The following NDST4 variants were observed in gnomAD, a reference collection of about 807,000 sequenced individuals.
NDST4 encodes the protein N-deacetylase and N-sulfotransferase 4, also known as N-heparan sulfate sulfotransferase 4.
Under a neutral mutation model 100.8 loss-of-function variants are expected in NDST4, and 63 were observed. That is an observed-to-expected ratio of 0.62 (90% CI 0.51 to 0.77). The LOEUF is 0.77. NDST4 is among the 30% of genes least tolerant of loss of function. NDST4 has a pLI of 0.00. For missense variants in NDST4, 943 were observed against 1,018.4 expected (o/e 0.93, Z 1.01); for synonymous variants, 377 against 361.8 (o/e 1.04, Z -0.48).
At chr4:115,080,942 C>T (rs1051741464) in intron 1 of NDST4, among the ~76,000 whole-genome samples, 5 of 151,962 alleles carry the variant, frequency 3.3e-5, no homozygotes, top group South Asian at 2.1e-4. Flanking sequence ...CCAGGAGATT[C>T]GGAGAGAAAT....
At chr4:114,921,282 A>G (rs1725281127) in intron 6 of NDST4, among the ~76,000 whole-genome samples, 1 of 152,194 alleles carries the variant, frequency 6.6e-6, no homozygotes, top group Admixed American at 6.5e-5. Context: ...GGAATAAAAA[A>G]TAATGATGGA....
At chr4:114,882,082 C>A (rs544384017) in intron 6 of NDST4, among the ~76,000 whole-genome samples, 5 of 151,130 alleles carry the variant, frequency 3.3e-5, no homozygotes, top group African/African-American at 9.7e-5. Context: ...AAAAAAGGAT[C>A]AAAATTTTCT....
intron 2 of NDST4, among the ~76,000 whole-genome samples, chr4:115,075,440 A>G (rs1729157430): frequency 6.6e-6 from 1 of 152,150 alleles, no homozygotes; most frequent in Admixed American, 6.6e-5. Context: ...AGCATGTACT[A>G]TAATAAGGGA....
At chr4:114,951,696 T>C (rs1455643658) in intron 4 of NDST4, among the ~76,000 whole-genome samples, 2 of 152,084 alleles carry the variant, frequency 1.3e-5, no homozygotes, top group Non-Finnish European at 2.9e-5. Context: ...TTTGCCAAGG[T>C]CATCCATATA....
intron 2 of NDST4, among the ~76,000 whole-genome samples, chr4:115,072,359 G>C (rs1472725850): frequency 6.6e-6 from 1 of 151,806 alleles, no homozygotes; most frequent in East Asian, 1.9e-4. Flanking sequence ...ATTTTTAAAA[G>C]ATATTAAAAT....
chr4:115,005,947 G>A (rs377575874), intron 2 of NDST4, among the ~76,000 whole-genome samples: 27 of 149,606 alleles, frequency 1.8e-4, no homozygotes, highest in African/African-American at 6.5e-4. Context: ...GCAGAGAATC[G>A]CTTGAACTCG....
At chr4:114,894,682 G>C (rs1481711915) in intron 6 of NDST4, among the ~76,000 whole-genome samples, 2 of 152,176 alleles carry the variant, frequency 1.3e-5, no homozygotes, top group African/African-American at 2.4e-5. Flanking sequence ...CATGTCATCT[G>C]CAAACAGAGA....
At chr4:114,852,125 C>G (rs760109117) in intron 8 of NDST4, among the ~76,000 whole-genome samples, 56 of 152,150 alleles carry the variant, frequency 3.7e-4, no homozygotes, top group Non-Finnish European at 6.8e-4. Context: ...TGCTTTCACT[C>G]TCTTTTACTG....
At chr4:114,973,413 G>T (rs1726558997) in intron 3 of NDST4, among the ~76,000 whole-genome samples, 1 of 151,842 alleles carries the variant, frequency 6.6e-6, no homozygotes. Flanking sequence ...TATGTGACCA[G>T]ATTAGCATGT....
chr4:115,084,818 G>C (rs1729376164), intron 1 of NDST4, among the ~76,000 whole-genome samples: 2 of 152,124 alleles, frequency 1.3e-5, no homozygotes, highest in Admixed American at 6.6e-5. Context: ...TGCAGGGGCA[G>C]AGCCTTCATG....
Position 114,970,484 on chromosome 4 carries a change from G to A in NDST4, c.1167C>T (p.Phe389=). ...HMWSHMQPHL[F]HNESSLVEQM... ...GCTCTACTAAAGATGACTCGTTGTG[G>A]AAGAGGTGGGGCTGCATGTGGCTCC... Residue 389 remains phenylalanine (F), a synonymous_variant, in exon 4 of 14, where the codon TTC becomes TTT. Transcript: ENST00000264363. 3 of 1,614,018 alleles carry A rather than the reference G, an allele frequency of 1.9e-6. No individual in the cohort carries two copies. Among genetic ancestry groups the A allele is most frequent in the Non-Finnish European group, 2.5e-6 (3 of 1,179,904 alleles).
At chr4:115,032,862 T>C (rs1728144172) in intron 2 of NDST4, among the ~76,000 whole-genome samples, 1 of 151,932 alleles carries the variant, frequency 6.6e-6, no homozygotes. Context: ...AGACATACTG[T>C]TTTGTTCACC....
At chr4:115,055,470 A>G (rs975952920) in intron 2 of NDST4, among the ~76,000 whole-genome samples, 8 of 152,142 alleles carry the variant, frequency 5.3e-5, no homozygotes, top group African/African-American at 1.9e-4. Flanking sequence ...CCTTGAATAA[A>G]CAGGAAGTTG....
intron 6 of NDST4, among the ~76,000 whole-genome samples, chr4:114,906,094 TC>T (rs772779116): frequency 6.6e-5 from 10 of 151,974 alleles, no homozygotes; most frequent in Non-Finnish European, 1.3e-4. Flanking sequence ...GATCAATTTT[TC>T]TATGAGTCAT....
chr4:115,039,043 A>T (rs1340092076), intron 2 of NDST4, among the ~76,000 whole-genome samples: 5 of 152,152 alleles, frequency 3.3e-5, no homozygotes, highest in Non-Finnish European at 7.4e-5. Context: ...TCTTATAAAC[A>T]TAAACAGCAA....
rs1178207064 is a variant in NDST4, at chr4:115,009,005, C to G, written c.979-31731G>C. Among the ~76,000 whole-genome samples, 33 of 126,372 alleles carry G rather than the reference C, an allele frequency of 2.6e-4. 8 individuals carry two copies. Among genetic ancestry groups the G allele is most frequent in the African/African-American group, 8.7e-4 (29 of 33,354 alleles). 82.9% of individuals were successfully genotyped at this position (126,372 alleles called of 152,430 possible). ...ACATGAAGGACCTCTTCAAGGAGAACTACAAACCACTGCTCAATGAAATAA... is the reference window on the plus strand; with the variant it reads ...ACATGAAGGACCTCTTCAAGGAGAAGTACAAACCACTGCTCAATGAAATAA... On this transcript the variant is annotated intron_variant, in intron 2 of 13. Coordinates refer to ENST00000264363, the MANE Select transcript of NDST4 (RefSeq NM_022569.3).
intron 2 of NDST4, among the ~76,000 whole-genome samples, chr4:114,984,219 C>T (rs1054586651): frequency 2.6e-5 from 4 of 151,786 alleles, no homozygotes; most frequent in Admixed American, 6.6e-5. Flanking sequence ...GATGGAGTCA[C>T]CCAGGCTGGA....
intron 2 of NDST4, among the ~76,000 whole-genome samples, chr4:115,059,298 T>C (rs1192786255): frequency 6.6e-6 from 1 of 152,040 alleles, no homozygotes; most frequent in Non-Finnish European, 1.5e-5. Flanking sequence ...ATGAAATAAA[T>C]GAAAGTTACC....
At chr4:115,011,389 C>G (rs1056707047) in intron 2 of NDST4, among the ~76,000 whole-genome samples, 2 of 151,848 alleles carry the variant, frequency 1.3e-5, no homozygotes, top group Non-Finnish European at 2.9e-5. Context: ...ATTTCTTAAC[C>G]TTTCTTTATA....
Sources: gnomAD v4.1 joint callset for allele counts (sites outside exome capture counted in the v4.1 genomes callset) on GRCh38, gnomAD v4.1.1 for gene constraint, MANE v1.5 for transcripts, NCBI Gene and HGNC (gene_info 2026-07-23, HGNC 2026-07-21) for gene names.